ANKRD55: variants seen among roughly 807,000 people sequenced by gnomAD.
ANKRD55 encodes ankyrin repeat domain 55.
ANKRD55 carries 41 observed loss-of-function variants against 60.6 expected under a neutral mutation model. The observed-to-expected ratio is 0.68, with a 90% CI of 0.53 to 0.88. ANKRD55 has a LOEUF of 0.88. Among genes scored for constraint, ANKRD55 ranks in the 40% least tolerant of loss-of-function variants. ANKRD55 has a pLI of 0.00. For missense variants in ANKRD55, 732 were observed against 767.6 expected (o/e 0.95, Z 0.55); for synonymous variants, 264 against 290.3 (o/e 0.91, Z 0.92).
chr5:56,185,849 G>T (rs1052715570), intron 2 of ANKRD55, among the ~76,000 whole-genome samples: 1 of 152,158 alleles, frequency 6.6e-6, no homozygotes, highest in African/African-American at 2.4e-5. Context: ...CATAAGTGCC[G>T]GTTGACCTGT....
At chr5:56,193,270 A>G in intron 2 of ANKRD55, 2 of 1,082,378 alleles carry the variant, frequency 1.8e-6, no homozygotes, top group Admixed American at 2.4e-5. Flanking sequence ...CTGAAGACTT[A>G]GCACTGGGGA....
rs556676429 is a variant in ANKRD55 at position 56,225,600 on chromosome 5, C to A, written c.58+7256G>T. ...TTAGAAAACCCCATCGTCTCAGCCC[C>A]AAATCTCCTTAAGCTGATAAGCAAC... is the stretch of plus-strand genomic sequence containing the variant. On this transcript the variant is annotated intron_variant, in intron 2 of 11. Transcript: ENST00000341048. Among the ~76,000 whole-genome samples, 142 of 152,196 alleles carry A rather than the reference C, an allele frequency of 9.3e-4. 3 individuals carry two copies. In the Middle Eastern group the frequency reaches 0.027, roughly 29 times the overall value.
chr5:56,109,242 C>T (rs557498157), intron 10 of ANKRD55, among the ~76,000 whole-genome samples: 13 of 152,150 alleles, frequency 8.5e-5, no homozygotes, highest in East Asian at 3.9e-4. Flanking sequence ...CATGGAGAGA[C>T]GGTGGAGTGG....
intron 7 of ANKRD55, among the ~76,000 whole-genome samples, chr5:56,142,087 T>C (rs1318550426): frequency 6.6e-6 from 1 of 152,126 alleles, no homozygotes. Flanking sequence ...CTCAACACTT[T>C]GGGAGGCCGA....
At chr5:56,190,956 T>C (rs1759080482) in intron 2 of ANKRD55, among the ~76,000 whole-genome samples, 2 of 152,228 alleles carry the variant, frequency 1.3e-5, no homozygotes, top group South Asian at 4.1e-4. Context: ...AACATTCAAG[T>C]CATAGCAACT....
intron 3 of ANKRD55, among the ~76,000 whole-genome samples, chr5:56,181,339 G>A (rs1758845220): frequency 6.7e-6 from 1 of 148,544 alleles, no homozygotes; most frequent in African/African-American, 2.4e-5. Context: ...TAGCTCTAGA[G>A]TTGTTGTTGT....
intron 6 of ANKRD55, among the ~76,000 whole-genome samples, chr5:56,158,675 T>A (rs1758254052): frequency 6.6e-6 from 1 of 152,156 alleles, no homozygotes; most frequent in African/African-American, 2.4e-5. Flanking sequence ...TAATATTATC[T>A]CTCTGTCATC....
At chr5:56,173,582 C>CTATATATATATATATATATA (rs1182603115) in intron 4 of ANKRD55, among the ~76,000 whole-genome samples, 1 of 45,244 alleles carries the variant, frequency 2.2e-5, no homozygotes, top group African/African-American at 8.7e-5. Context: ...CTCTCTCTCT[C>CTATATATATATATATATATA]TATATATATA....
chr5:56,204,831 C>T (rs1759461772), intron 2 of ANKRD55, among the ~76,000 whole-genome samples: 8 of 152,218 alleles, frequency 5.3e-5, no homozygotes, highest in Admixed American at 5.2e-4. Context: ...ATCCTTCCTC[C>T]AATCTTCCTT....
At chr5:56,182,458 T>C (rs558844430) in intron 3 of ANKRD55, among the ~76,000 whole-genome samples, 21 of 152,344 alleles carry the variant, frequency 1.4e-4, no homozygotes, top group African/African-American at 4.8e-4. Context: ...CTTTTATTTC[T>C]TTGCTGAGAC....
At chr5:56,121,001 G>A (rs1440223424) in intron 8 of ANKRD55, among the ~76,000 whole-genome samples, 2 of 152,076 alleles carry the variant, frequency 1.3e-5, no homozygotes, top group Non-Finnish European at 2.9e-5. Flanking sequence ...AGAGATACTA[G>A]GAGCGAGGGA....
intron 9 of ANKRD55, 93 bp downstream of exon 9, chr5:56,116,522 T>G: frequency 1.9e-6 from 2 of 1,045,090 alleles, no homozygotes; most frequent in Admixed American, 6.0e-5. Context: ...ATAATATTAT[T>G]ATTGGTTTGC....
chr5:56,178,779 A>G (rs1195628545), intron 3 of ANKRD55, among the ~76,000 whole-genome samples: 3 of 152,042 alleles, frequency 2.0e-5, no homozygotes, highest in Non-Finnish European at 2.9e-5. Flanking sequence ...AGAGCTATCA[A>G]TTTCCTGAAA....
chr5:56,219,752 A>C (rs1759916250), intron 2 of ANKRD55, among the ~76,000 whole-genome samples: 2 of 152,222 alleles, frequency 1.3e-5, no homozygotes, highest in African/African-American at 4.8e-5. Context: ...ACCTCAGTGC[A>C]TCCATACCCT....
chr5:56,208,413 ATATTTATT>A (rs200944118), intron 2 of ANKRD55, among the ~76,000 whole-genome samples: 6 of 151,474 alleles, frequency 4.0e-5, no homozygotes, highest in East Asian at 1.9e-4. Context: ...TTTAAAAAAA[ATATTTATT>A]TATTTATTTA....
intron 2 of ANKRD55, among the ~76,000 whole-genome samples, chr5:56,214,670 T>C (rs895105731): frequency 6.6e-6 from 1 of 152,102 alleles, no homozygotes; most frequent in African/African-American, 2.4e-5. Flanking sequence ...TATGTTTCAG[T>C]CTTCACATAT....
chr5:56,113,422 A>G (rs927960396), intron 9 of ANKRD55, among the ~76,000 whole-genome samples: 1 of 152,182 alleles, frequency 6.6e-6, no homozygotes, highest in Non-Finnish European at 1.5e-5. Context: ...TTGATTAAAT[A>G]TTAACTTGAG....
chr5:56,127,454 A>T (rs1757301679), intron 7 of ANKRD55: 1 of 985,176 alleles, frequency 1.0e-6, no homozygotes, highest in African/African-American at 1.7e-5. Context: ...CTTGCTCATT[A>T]GGTCTGATCA....
In ANKRD55 at chr5:56,219,387, T is replaced by C. The variant is rs375697423; in HGVS notation, c.58+13469A>G. 9.3e-4 allele frequency among the ~76,000 whole-genome samples: 142 copies of C among 152,226 alleles called. 3 individuals are homozygous for C. In the Middle Eastern group the frequency reaches 0.027, roughly 29 times the overall value. On this transcript the variant is annotated intron_variant, in intron 2 of 11. Coordinates refer to ENST00000341048, the MANE Select transcript of ANKRD55 (RefSeq NM_024669.3). Reference sequence around the variant, plus strand: ...TAGAAATGGAAGTACTTTCCACGTATACTGGAATGACTTCCCTTCTCTTCC... The same window carrying C: ...TAGAAATGGAAGTACTTTCCACGTACACTGGAATGACTTCCCTTCTCTTCC...
Sources: allele counts gnomAD v4.1 joint callset (sites outside exome capture counted in the v4.1 genomes callset), GRCh38; gene constraint gnomAD v4.1.1; transcripts MANE v1.5; gene names NCBI Gene and HGNC (gene_info 2026-07-23, HGNC 2026-07-21).